RBFOX1: variants seen among roughly 807,000 people sequenced by gnomAD.
RBFOX1 encodes the protein RNA binding fox-1 homolog 1.
A neutral mutation model predicts 57.7 loss-of-function variants in RBFOX1; 8 were observed. That is an observed-to-expected ratio of 0.14 (90% CI 0.08 to 0.25). The LOEUF (loss-of-function observed/expected upper bound fraction) is 0.25, where lower values mean the gene tolerates loss of function less well. RBFOX1 is among the 10% of genes least tolerant of loss of function. The pLI is 1.00. For missense variants in RBFOX1, 611 were observed against 548.5 expected (o/e 1.11, Z -1.14); for synonymous variants, 326 against 222.4 (o/e 1.47, Z -4.15).
chr16:6,264,025 A>C (rs1022483350), intron 1 of RBFOX1, among the ~76,000 whole-genome samples: 1 of 152,126 alleles, frequency 6.6e-6, no homozygotes, highest in East Asian at 1.9e-4. Flanking sequence ...GTTCTAGACT[A>C]TTTTGACTTT....
chr16:6,367,955 A>T (rs1431882977), intron 2 of RBFOX1, among the ~76,000 whole-genome samples: 1 of 152,176 alleles, frequency 6.6e-6, no homozygotes. Flanking sequence ...GGACAATCCA[A>T]TGTCAGTATG....
chr16:6,608,434 T>A (rs1367826136), intron 2 of RBFOX1, among the ~76,000 whole-genome samples: 1 of 152,160 alleles, frequency 6.6e-6, no homozygotes, highest in East Asian at 1.9e-4. Context: ...GGATAACAGT[T>A]TTCACCCTTA....
intron 4 of RBFOX1, among the ~76,000 whole-genome samples, chr16:5,911,166 A>C (rs993517304): frequency 2.6e-5 from 4 of 152,154 alleles, no homozygotes; most frequent in Non-Finnish European, 5.9e-5. Context: ...CATAGGTCCT[A>C]CCTGCAGACA....
At chr16:6,306,023 A>G (rs1039246504) in intron 1 of RBFOX1, among the ~76,000 whole-genome samples, 1 of 151,468 alleles carries the variant, frequency 6.6e-6, no homozygotes, top group East Asian at 1.9e-4. Flanking sequence ...AGAATTATTC[A>G]CTCCTTCACT....
At chr16:6,647,328 T>C (rs10431960) in intron 2 of RBFOX1, among the ~76,000 whole-genome samples, 150,168 of 152,268 alleles carry the variant, frequency 0.99, 74,086 homozygotes, top group Middle Eastern at 1. Flanking sequence ...TCGCTGCAAC[T>C]TCCGCCTCCT....
chr16:5,499,930 A>G (rs540653097), intron 2 of RBFOX1, among the ~76,000 whole-genome samples: 17 of 151,916 alleles, frequency 1.1e-4, no homozygotes, highest in African/African-American at 3.4e-4. Context: ...CAACATTTCA[A>G]TTTTTCATTC....
At position 6,901,351 on chromosome 16, in the gene RBFOX1, C is replaced by A. The variant is rs1191381786; in HGVS notation, c.-15-150706C>A. Reference sequence around the variant, plus strand: ...ACAGAAGTTTCAACCTGGAAATGTCCCACCTAGCAAGGCCAGGGGTGCAAA... The same window carrying A: ...ACAGAAGTTTCAACCTGGAAATGTCACACCTAGCAAGGCCAGGGGTGCAAA... On this transcript the variant is annotated intron_variant, in intron 3 of 15. Coordinates refer to ENST00000550418, the MANE Select transcript of RBFOX1 (RefSeq NM_018723.4). Among the ~76,000 whole-genome samples, 5 of 152,120 alleles carry A rather than the reference C, an allele frequency of 3.3e-5. No individual in the cohort carries two copies. The East Asian group carries it at 9.7e-4, about 29-fold the overall frequency.
chr16:7,521,848 C>A (rs573077852), intron 5 of RBFOX1, among the ~76,000 whole-genome samples: 1 of 152,184 alleles, frequency 6.6e-6, no homozygotes, highest in African/African-American at 2.4e-5. Flanking sequence ...AGGGTGGACA[C>A]AGCCTGGTTT....
chr16:5,674,967 C>A (rs954884534), intron 3 of RBFOX1, among the ~76,000 whole-genome samples: 1 of 151,986 alleles, frequency 6.6e-6, no homozygotes, highest in African/African-American at 2.4e-5. Flanking sequence ...GACAACACAG[C>A]AAAACCGCGT....
chr16:6,032,380 T>TAA (rs5815277), intron 1 of RBFOX1, among the ~76,000 whole-genome samples: 8 of 151,888 alleles, frequency 5.3e-5, no homozygotes, highest in African/African-American at 1.2e-4. Context: ...TTCTACTTAT[T>TAA]AAAAAAATAT....
intron 2 of RBFOX1, among the ~76,000 whole-genome samples, chr16:6,433,926 T>A (rs2153011023): frequency 6.6e-6 from 1 of 150,606 alleles, no homozygotes; most frequent in Non-Finnish European, 1.5e-5. Flanking sequence ...CTGCTCACCG[T>A]AACCTCCACC....
intron 3 of RBFOX1, among the ~76,000 whole-genome samples, chr16:6,929,019 T>A (rs935972221): frequency 6.6e-6 from 1 of 152,108 alleles, no homozygotes; most frequent in Non-Finnish European, 1.5e-5. Flanking sequence ...ATGCTTGAGT[T>A]CCAAGGGAGC....
intron 1 of RBFOX1, among the ~76,000 whole-genome samples, chr16:5,255,868 G>T (rs952401520): frequency 1.3e-5 from 2 of 151,996 alleles, no homozygotes; most frequent in Non-Finnish European, 2.9e-5. Flanking sequence ...CTGCCTCCTA[G>T]CTAGCTGCTT....
chr16:6,900,778 C>G (rs1431775811), intron 3 of RBFOX1, among the ~76,000 whole-genome samples: 6 of 152,294 alleles, frequency 3.9e-5, no homozygotes, highest in African/African-American at 1.4e-4. Flanking sequence ...ACCCTCTCCT[C>G]TTCCTTCACA....
chr16:7,553,215 G>C (rs2087148518), intron 5 of RBFOX1, among the ~76,000 whole-genome samples: 2 of 152,064 alleles, frequency 1.3e-5, no homozygotes, highest in Non-Finnish European at 2.9e-5. Context: ...TGCAATCATA[G>C]CTCACTTCAG....
intron 4 of RBFOX1, among the ~76,000 whole-genome samples, chr16:5,951,396 C>T (rs1202846891): frequency 2.6e-5 from 4 of 151,986 alleles, no homozygotes; most frequent in Admixed American, 2.0e-4. Context: ...TGCACAGAGT[C>T]GAGATGGCAC....
At chr16:7,469,985 T>C (rs1476102277) in intron 4 of RBFOX1, among the ~76,000 whole-genome samples, 1 of 152,060 alleles carries the variant, frequency 6.6e-6, no homozygotes. Flanking sequence ...TCAAGGTACA[T>C]TGATGTGTTC....
At chr16:6,747,294 C>G (rs549517980) in intron 3 of RBFOX1, among the ~76,000 whole-genome samples, 1 of 152,050 alleles carries the variant, frequency 6.6e-6, no homozygotes, top group African/African-American at 2.4e-5. Flanking sequence ...GAAATCCCAG[C>G]TACTCAAGAG....
intron 1 of RBFOX1, among the ~76,000 whole-genome samples, chr16:5,245,869 C>T (rs1227462087): frequency 6.6e-6 from 1 of 152,198 alleles, no homozygotes. Context: ...GGTAAGGAGA[C>T]TATTTTGACC....
Sources: allele counts gnomAD v4.1 joint callset (sites outside exome capture counted in the v4.1 genomes callset), GRCh38; gene constraint gnomAD v4.1.1; transcripts MANE v1.5; gene names NCBI Gene and HGNC (gene_info 2026-07-23, HGNC 2026-07-21).